The following CNTN5 variants were observed in gnomAD, a reference collection of about 807,000 sequenced individuals.
The protein encoded by CNTN5 is contactin-5.
CNTN5 carries 77 observed loss-of-function variants against 129.1 expected under a neutral mutation model. The observed-to-expected ratio is 0.60, with a 90% CI of 0.50 to 0.72. The LOEUF is 0.72. Ranked by LOEUF, CNTN5 falls within the 30% of genes least tolerant of loss-of-function variation. The probability of loss-of-function intolerance (pLI) is 0.00; values close to 1 mark genes in which losing one functional copy is unlikely to be tolerated. For synonymous variants in CNTN5, 509 were observed against 465.6 expected (o/e 1.09, Z -1.20); for missense variants, 1,478 against 1,328.8 (o/e 1.11, Z -1.75).
chr11:100,026,383 C>T (rs1194263558), intron 9 of CNTN5, among the ~76,000 whole-genome samples: 2 of 152,184 alleles, frequency 1.3e-5, no homozygotes, highest in East Asian at 1.9e-4. Context: ...CTTTATAGCA[C>T]TGTGAGAATG....
intron 2 of CNTN5, among the ~76,000 whole-genome samples, chr11:99,390,737 T>G (rs114590851): frequency 0.014 from 2,203 of 152,250 alleles, 38 homozygotes; most frequent in African/African-American, 0.049. Flanking sequence ...GGCTACATTT[T>G]CAGATTTCTA....
chr11:99,659,844 C>T (rs1952530976), intron 3 of CNTN5, among the ~76,000 whole-genome samples: 1 of 152,032 alleles, frequency 6.6e-6, no homozygotes, highest in African/African-American at 2.4e-5. Context: ...TTGTGGGTAC[C>T]ATGGATTAGC....
chr11:100,113,614 A>G (rs1344670207), intron 13 of CNTN5, among the ~76,000 whole-genome samples: 4 of 151,918 alleles, frequency 2.6e-5, no homozygotes, highest in Non-Finnish European at 5.9e-5. Context: ...AGGTTTTGCC[A>G]CCAGAGAATT....
At chr11:100,057,307 T>C (rs1171840567) in intron 9 of CNTN5, among the ~76,000 whole-genome samples, 4 of 149,428 alleles carry the variant, frequency 2.7e-5, no homozygotes, top group Non-Finnish European at 5.9e-5. Context: ...CAGAAACTCA[T>C]GAATTACAAC....
intron 3 of CNTN5, among the ~76,000 whole-genome samples, chr11:99,678,497 G>A (rs527536939): frequency 6.6e-6 from 1 of 152,228 alleles, no homozygotes; most frequent in East Asian, 1.9e-4. Flanking sequence ...GGAAACATAT[G>A]TAATCAAGAA....
chr11:99,684,852 T>C (rs370666009), intron 3 of CNTN5, among the ~76,000 whole-genome samples: 2 of 151,756 alleles, frequency 1.3e-5, no homozygotes, highest in Non-Finnish European at 3.0e-5. Flanking sequence ...TCTCTTTTTT[T>C]CCATTGGTGA....
chr11:99,953,923 T>C (rs1025452204), intron 7 of CNTN5, among the ~76,000 whole-genome samples: 5 of 152,200 alleles, frequency 3.3e-5, no homozygotes, highest in African/African-American at 7.2e-5. Context: ...CCCGTGCCTA[T>C]GTCCTGGATG....
intron 9 of CNTN5, among the ~76,000 whole-genome samples, chr11:100,028,620 C>A (rs543084070): frequency 2.0e-5 from 3 of 152,270 alleles, no homozygotes; most frequent in Admixed American, 6.5e-5. Context: ...TTTCCTTAAT[C>A]CAAGTATGCT....
intron 1 of CNTN5, among the ~76,000 whole-genome samples, chr11:99,037,915 TA>T (rs1364920603): frequency 6.6e-6 from 1 of 152,152 alleles, no homozygotes; most frequent in African/African-American, 2.4e-5. Context: ...CAAGCTGCTT[TA>T]AGGATAAGAA....
chr11:99,210,105 T>G (rs1306752186), intron 1 of CNTN5, among the ~76,000 whole-genome samples: 1 of 152,180 alleles, frequency 6.6e-6, no homozygotes, highest in Non-Finnish European at 1.5e-5. Flanking sequence ...GGTTTTAGAT[T>G]TGCCATGTTC....
At chr11:99,650,458 G>T (rs1410908994) in intron 3 of CNTN5, among the ~76,000 whole-genome samples, 1 of 151,864 alleles carries the variant, frequency 6.6e-6, no homozygotes, top group Non-Finnish European at 1.5e-5. Flanking sequence ...GTAAGACCCA[G>T]GCTTTTGTGG....
intron 6 of CNTN5, among the ~76,000 whole-genome samples, chr11:99,886,317 A>T (rs539817181): frequency 6.6e-6 from 1 of 152,248 alleles, no homozygotes; most frequent in South Asian, 2.1e-4. Flanking sequence ...AGTAATCAAA[A>T]TATATAAAGG....
chr11:99,402,510 G>T (rs1941864991), intron 2 of CNTN5, among the ~76,000 whole-genome samples: 1 of 152,080 alleles, frequency 6.6e-6, no homozygotes, highest in Admixed American at 6.6e-5. Flanking sequence ...ATATTAATCA[G>T]GGATATTGAC....
intron 15 of CNTN5, among the ~76,000 whole-genome samples, chr11:100,196,384 A>G (rs998826716): frequency 2.0e-5 from 3 of 152,032 alleles, no homozygotes; most frequent in African/African-American, 7.2e-5. Flanking sequence ...CTATTTTTCA[A>G]CTGTTGTACT....
chr11:99,780,070 G>A (rs189020900), intron 3 of CNTN5, among the ~76,000 whole-genome samples: 88 of 152,086 alleles, frequency 5.8e-4, no homozygotes, highest in African/African-American at 1.9e-3. Context: ...ATTATATAGA[G>A]ACTGTCATGA....
chr11:99,601,121 G>A (rs956005296), intron 3 of CNTN5, among the ~76,000 whole-genome samples: 51 of 152,080 alleles, frequency 3.4e-4, no homozygotes, highest in Admixed American at 3.3e-3. Flanking sequence ...TTTTTAATAA[G>A]TATTTGTTAA....
At chr11:99,181,167 G>A (rs1487878383) in intron 1 of CNTN5, among the ~76,000 whole-genome samples, 1 of 152,116 alleles carries the variant, frequency 6.6e-6, no homozygotes, top group Non-Finnish European at 1.5e-5. Context: ...TTACTGGGGA[G>A]GGGACTATTA....
At chr11:99,786,107 C>A (rs541053350) in intron 3 of CNTN5, among the ~76,000 whole-genome samples, 1 of 151,964 alleles carries the variant, frequency 6.6e-6, no homozygotes, top group African/African-American at 2.4e-5. Context: ...TAGAAAACCC[C>A]GTCGTCTCAG....
In CNTN5 at chr11:99,698,875, T is replaced by A. The variant is rs944638470; in HGVS notation, c.56-120669T>A. Among the ~76,000 whole-genome samples, 5 of 148,562 alleles carry A rather than the reference T, an allele frequency of 3.4e-5. No homozygotes were observed. In the South Asian group the frequency reaches 1.1e-3, roughly 31 times the overall value. ...TTCTATTAGGTACTGATTAAATAAG[T>A]AGTATAGACAGTGTGGGAAGCATAA... On this transcript the variant is annotated intron_variant, in intron 3 of 24. Coordinates refer to ENST00000524871, the MANE Select transcript of CNTN5 (RefSeq NM_014361.4).
Sources: gnomAD v4.1 joint callset for allele counts (sites outside exome capture counted in the v4.1 genomes callset) on GRCh38, gnomAD v4.1.1 for gene constraint, MANE v1.5 for transcripts, NCBI Gene and HGNC (gene_info 2026-07-23, HGNC 2026-07-21) for gene names.